NTN1: variants seen among roughly 807,000 people sequenced by gnomAD.
NTN1 encodes netrin 1.
NTN1 carries 11 observed loss-of-function variants against 54.2 expected under a neutral mutation model. The observed-to-expected ratio is 0.20, with a 90% CI of 0.13 to 0.34. The LOEUF (loss-of-function observed/expected upper bound fraction) is 0.34, where lower values mean the gene tolerates loss of function less well. NTN1 is among the 10% of genes least tolerant of loss of function. The pLI is 1.00. For synonymous variants in NTN1, 371 were observed against 382.0 expected (o/e 0.97, Z 0.33); for missense variants, 740 against 893.1 (o/e 0.83, Z 2.18).
chr17:9,209,607 G>C (rs1215643935), intron 5 of NTN1, among the ~76,000 whole-genome samples: 2 of 152,202 alleles, frequency 1.3e-5, no homozygotes, highest in Non-Finnish European at 2.9e-5. Flanking sequence ...CACAACTAGG[G>C]AGGCAGCAGA....
intron 2 of NTN1, among the ~76,000 whole-genome samples, chr17:9,147,776 CTGTT>C: frequency 6.6e-6 from 1 of 152,336 alleles, no homozygotes; most frequent in East Asian, 1.9e-4. Context: ...GTCTTATCCT[CTGTT>C]TGATGGTAGG....
rs1478547094 is a variant in NTN1, at chr17:9,243,407, CAAG to C, written c.*3444_*3446del. 3.4e-5 allele frequency: 5 copies of C among 146,812 alleles called. No homozygotes were observed. Among genetic ancestry groups the C allele is most frequent in the African/African-American group, 7.4e-5 (3 of 40,570 alleles). 9.1% of individuals were successfully genotyped at this position (146,812 alleles called of 1,614,324 possible). On this transcript the variant is annotated 3_prime_UTR_variant, in exon 7 of 7. Coordinates refer to ENST00000173229, the MANE Select transcript of NTN1 (RefSeq NM_004822.3). ...TCCCAGGTTGGAATGAGACTGAACT[CAAG>C]AAGAGACCCTAAGGGACTGGGGAAT...
chr17:9,029,324 A>G (rs1315441949), intron 2 of NTN1, among the ~76,000 whole-genome samples: 2 of 152,322 alleles, frequency 1.3e-5, no homozygotes, highest in East Asian at 3.9e-4. Flanking sequence ...TGTCCTGGCC[A>G]TCAAAGGGCA....
At chr17:9,150,879 C>T (rs748841362) in intron 2 of NTN1, among the ~76,000 whole-genome samples, 4 of 152,144 alleles carry the variant, frequency 2.6e-5, no homozygotes, top group South Asian at 2.1e-4. Flanking sequence ...GCCGGGTGCC[C>T]GGCACAGCGG....
At chr17:9,226,533 C>T (rs1475937956) in intron 6 of NTN1, among the ~76,000 whole-genome samples, 3 of 101,018 alleles carry the variant, frequency 3.0e-5, no homozygotes, top group Non-Finnish European at 5.3e-5. Flanking sequence ...CGTGGGGAGG[C>T]GGTCTCGTGG....
chr17:9,156,292 A>G (rs4791804), intron 2 of NTN1, among the ~76,000 whole-genome samples: 85,207 of 150,082 alleles, frequency 0.57, 24,394 homozygotes, highest in African/African-American at 0.61. Context: ...TAACATGGTC[A>G]GTCTTCTCAA....
intron 2 of NTN1, among the ~76,000 whole-genome samples, chr17:9,111,490 G>C (rs573302908): frequency 1.3e-5 from 2 of 152,228 alleles, no homozygotes; most frequent in Admixed American, 1.3e-4. Context: ...GGAGAGGCAG[G>C]TTCTTCTGGG....
At chr17:9,223,322 T>A (rs1167461751) in intron 6 of NTN1, among the ~76,000 whole-genome samples, 1 of 151,954 alleles carries the variant, frequency 6.6e-6, no homozygotes, top group Non-Finnish European at 1.5e-5. Flanking sequence ...GAGGCCAAGG[T>A]GGGCAGATCA....
At chr17:9,017,712 A>G (rs1441600768), upstream of NTN1, among the ~76,000 whole-genome samples, 1 of 152,202 alleles carries the variant, frequency 6.6e-6, no homozygotes, top group East Asian at 1.9e-4. Flanking sequence ...TTTGAACTCC[A>G]GTTTGCTCTG....
At chr17:9,039,046 A>G (rs1292896552) in intron 2 of NTN1, among the ~76,000 whole-genome samples, 1 of 152,248 alleles carries the variant, frequency 6.6e-6, no homozygotes, top group Non-Finnish European at 1.5e-5. Flanking sequence ...TGCCATATTT[A>G]TTAAATGCTT....
chr17:9,228,388 G>C (rs1905672427), intron 6 of NTN1, among the ~76,000 whole-genome samples: 1 of 152,166 alleles, frequency 6.6e-6, no homozygotes, highest in Non-Finnish European at 1.5e-5. Flanking sequence ...GGAGGCTGGA[G>C]AGAGGCTGGT....
At chr17:9,032,028 G>C (rs1298217406) in intron 2 of NTN1, among the ~76,000 whole-genome samples, 1 of 152,056 alleles carries the variant, frequency 6.6e-6, no homozygotes, top group Non-Finnish European at 1.5e-5. Flanking sequence ...CCCTGCAGGT[G>C]AAATATGTTT....
At chr17:9,182,798 G>T in intron 4 of NTN1, 118 bp from the exon 5 acceptor site, 1 of 1,012,918 alleles carries the variant, frequency 9.9e-7, no homozygotes, top group South Asian at 1.3e-5. Context: ...GGGAAACGGA[G>T]GGGAGGGTCC....
At chr17:9,222,190 C>T (rs1032149294) in intron 6 of NTN1, among the ~76,000 whole-genome samples, 1 of 152,216 alleles carries the variant, frequency 6.6e-6, no homozygotes, top group Admixed American at 6.5e-5. Context: ...GGCTGGCCCC[C>T]CAATTCTGGG....
chr17:9,118,404 G>A (rs2092221574), intron 2 of NTN1, among the ~76,000 whole-genome samples: 1 of 152,188 alleles, frequency 6.6e-6, no homozygotes, highest in East Asian at 1.9e-4. Flanking sequence ...TGTAGTCCCA[G>A]CTATCCGGGA....
At position 9,221,513 on chromosome 17, in the gene NTN1, T is replaced by C. The variant is rs572200433; in HGVS notation, c.1486+271T>C. ...CCAGGCTGGCCTCTGGCTTTGACTC[T>C]GCCGCTGATGGGCTGTGTGGCCACA... On this transcript the variant is annotated intron_variant, in intron 6 of 6. Coordinates refer to ENST00000173229, the MANE Select transcript of NTN1 (RefSeq NM_004822.3). The surrounding 1 kb of genome is among the most constrained non-coding windows in gnomAD (Gnocchi z 4.5). 3.5e-4 allele frequency among the ~76,000 whole-genome samples: 53 copies of C among 152,352 alleles called. No individual in the cohort carries two copies. The highest frequency in any genetic ancestry group is 1.1e-3 in the African/African-American group (46 of 41,586).
intron 6 of NTN1, among the ~76,000 whole-genome samples, chr17:9,231,910 G>C (rs1905829051): frequency 6.6e-6 from 1 of 152,182 alleles, no homozygotes; most frequent in Admixed American, 6.5e-5. Context: ...CCTCGGGGCG[G>C]TTGGGGGGAC....
chr17:9,219,368 A>C lies in NTN1; in HGVS notation c.1412-1800A>C, dbSNP rs1905281297. ...GGCAGGAGGGATGGGGACTGTGGCCACCAGTGCCATGGAGCAGGGGTGTCA... is the reference window on the plus strand; with the variant it reads ...GGCAGGAGGGATGGGGACTGTGGCCCCCAGTGCCATGGAGCAGGGGTGTCA... On this transcript the variant is annotated intron_variant, in intron 5 of 6. Transcript: ENST00000173229. This position sits in a 1 kb window ranked among gnomAD's most constrained non-coding sequence, Gnocchi z 4.5. Among the ~76,000 whole-genome samples the C allele has an allele frequency of 1.3e-5, 2 of 152,188 alleles. No individual in the cohort carries two copies. Among genetic ancestry groups the C allele is most frequent in the East Asian group, 3.8e-4 (2 of 5,200 alleles).
intron 6 of NTN1, among the ~76,000 whole-genome samples, chr17:9,237,112 A>G (rs1164111280): frequency 6.6e-6 from 1 of 152,200 alleles, no homozygotes; most frequent in Non-Finnish European, 1.5e-5. Flanking sequence ...GAATTGTATT[A>G]GCTTCTAGGG....
Sources: gnomAD v4.1 joint callset for allele counts (sites outside exome capture counted in the v4.1 genomes callset) on GRCh38, gnomAD v4.1.1 for gene constraint, Gnocchi (gnomAD v3.1) non-coding constraint, MANE v1.5 for transcripts, NCBI Gene and HGNC (gene_info 2026-07-23, HGNC 2026-07-21) for gene names.